The following CNOT8 variants were observed in gnomAD, a reference collection of about 807,000 sequenced individuals.
CNOT8 encodes the protein CCR4-NOT transcription complex subunit 8, also known as CAF1-like protein.
CNOT8 carries 18 observed loss-of-function variants against 34.6 expected under a neutral mutation model. The ratio of observed to expected loss-of-function variants is 0.52; its 90% CI spans 0.36 to 0.77. The LOEUF (loss-of-function observed/expected upper bound fraction) is 0.77, where lower values mean the gene tolerates loss of function less well. CNOT8 is among the 30% of genes least tolerant of loss of function. The pLI is 0.00. For synonymous variants in CNOT8, 101 were observed against 118.8 expected (o/e 0.85, Z 0.98); for missense variants, 189 against 347.9 (o/e 0.54, Z 3.63).
intron 1 of CNOT8, among the ~76,000 whole-genome samples, chr5:154,862,331 G>A (rs889963761): frequency 3.3e-5 from 5 of 152,096 alleles, no homozygotes; most frequent in African/African-American, 4.8e-5. Context: ...ATAGCTGGGC[G>A]TGGTGGCGTG....
rs1306339211 is a variant in CNOT8 at position 154,865,531 on chromosome 5, A to G, written c.311+146A>G. On this transcript the variant is annotated intron_variant, in intron 3 of 6. Coordinates refer to ENST00000285896, the MANE Select transcript of CNOT8 (RefSeq NM_001301073.2). Reference sequence around the variant, plus strand: ...CTTAAAGAACTGCAGCAGCTCAACAATGAAAAGATAAACAACCCAACTAAA... The same window carrying G: ...CTTAAAGAACTGCAGCAGCTCAACAGTGAAAAGATAAACAACCCAACTAAA... 13 of 538,494 alleles carry G rather than the reference A, an allele frequency of 2.4e-5. No individual in the cohort carries two copies. In the East Asian group the frequency reaches 4.1e-4, roughly 17 times the overall value. 33.4% of individuals were successfully genotyped at this position (538,494 alleles called of 1,614,324 possible). A position where few individuals can be genotyped will look rare whatever the true frequency, so the allele number is the denominator to read the frequency against.
chr5:154,870,052 C>G (rs1762327453), intron 3 of CNOT8, among the ~76,000 whole-genome samples: 1 of 152,118 alleles, frequency 6.6e-6, no homozygotes, highest in Non-Finnish European at 1.5e-5. Context: ...GCCACCATGC[C>G]CGGCCTACTT....
At chr5:154,871,559 CA>C (rs372899952) in intron 4 of CNOT8, among the ~76,000 whole-genome samples, 170 bp from the exon 5 acceptor site, 1,285 of 55,432 alleles carry the variant, frequency 0.023, 10 homozygotes, top group African/African-American at 0.075. Context: ...GACTCTGTCT[CA>C]AAAAAAAAAA....
Position 154,865,391 on chromosome 5 carries a change from T to C in CNOT8, c.311+6T>C, listed in dbSNP as rs1761768974. ...AATTTCAAATTTAACCTTACGTAAGTGATTTCTAAATAAATGCGTTAATTT... is the reference window on the plus strand; with the variant it reads ...AATTTCAAATTTAACCTTACGTAAGCGATTTCTAAATAAATGCGTTAATTT... On this transcript the variant is annotated splice_donor_region_variant and intron_variant, in intron 3 of 6. Coordinates refer to ENST00000285896, the MANE Select transcript of CNOT8 (RefSeq NM_001301073.2). 2.5e-6 allele frequency: 4 copies of C among 1,572,810 alleles called. No individual in the cohort carries two copies. The highest frequency in any genetic ancestry group is 3.4e-6 in the Non-Finnish European group (4 of 1,162,598).
chr5:154,873,961 C>G (rs537425650), intron 6 of CNOT8, among the ~76,000 whole-genome samples: 1 of 152,218 alleles, frequency 6.6e-6, no homozygotes, highest in East Asian at 1.9e-4. Context: ...TTATCCTACC[C>G]CAGTAGTGCC....
chr5:154,873,432 A>G (rs1051893314), intron 6 of CNOT8, among the ~76,000 whole-genome samples: 31 of 152,184 alleles, frequency 2.0e-4, no homozygotes, highest in African/African-American at 7.0e-4. Flanking sequence ...TAATAGAAAT[A>G]TATTTGTTAG....
intron 1 of CNOT8, among the ~76,000 whole-genome samples, chr5:154,861,238 A>G (rs908824615): frequency 2.6e-5 from 4 of 152,162 alleles, no homozygotes; most frequent in African/African-American, 9.7e-5. Flanking sequence ...TCTTTTCCTG[A>G]TCTTTATTGT....
Position 154,875,320 on chromosome 5 carries a change from A to T in CNOT8, c.760A>T (p.Lys254Ter). The change falls in exon 7 of 7, where the codon AAG (lysine) becomes TAG (stop). Residue 254 changes from lysine to a stop codon, truncating the protein, a stop_gained. Coordinates refer to ENST00000285896, the MANE Select transcript of CNOT8 (RefSeq NM_001301073.2). LOFTEE classifies it high-confidence loss of function. The part of the protein sequence containing the change: ...LFFEDSIDDA[K>*]YCGRLYGLGT... ...TTTTGAGGACAGCATTGATGATGCCAAGTACTGTGGGCGGCTCTATGGCTT... is the reference window on the plus strand; with the variant it reads ...TTTTGAGGACAGCATTGATGATGCCTAGTACTGTGGGCGGCTCTATGGCTT... The T allele has an allele frequency of 6.2e-7, 1 of 1,614,088 alleles. No individual in the cohort carries two copies.
intron 3 of CNOT8, among the ~76,000 whole-genome samples, chr5:154,866,915 G>T (rs1256403090): frequency 6.7e-6 from 1 of 149,448 alleles, no homozygotes; most frequent in African/African-American, 2.5e-5. Flanking sequence ...TCTGCCTCAA[G>T]AAAAAGAAAA....
At chr5:154,863,161 T>A (rs1761516730) in intron 1 of CNOT8, 46 bp from the exon 2 acceptor site, 5 of 713,258 alleles carry the variant, frequency 7.0e-6, no homozygotes, top group African/African-American at 1.8e-5. Context: ...GTTGACATCT[T>A]ATGTGTGTGT....
rs1309927403 is a variant in CNOT8 at position 154,876,690 on chromosome 5, G to T, written c.*1251G>T. 1.3e-5 allele frequency: 2 copies of T among 152,652 alleles called. No homozygotes were observed. The highest frequency in any genetic ancestry group is 2.9e-5 in the Non-Finnish European group (2 of 68,036). The allele number at this position is 152,652 out of a possible 1,614,324, so 9.5% of individuals were successfully genotyped here. ...GCTTATGGGAAACTCAATTTGAAAT[G>T]ATTAGAAAATGTCAAGTATTATAAG... On this transcript the variant is annotated 3_prime_UTR_variant, in exon 7 of 7. Transcript: ENST00000285896.
At chr5:154,865,465 A>G (rs1761775971) in intron 3 of CNOT8, 80 bp downstream of exon 3, 1 of 919,066 alleles carries the variant, frequency 1.1e-6, no homozygotes, top group African/African-American at 1.7e-5. Context: ...AGAGCGGTCA[A>G]GCAGAGGACG....
intron 6 of CNOT8, among the ~76,000 whole-genome samples, chr5:154,873,069 G>A (rs1334710318): frequency 1.3e-5 from 2 of 151,240 alleles, no homozygotes; most frequent in Admixed American, 6.6e-5. Context: ...CTGCCTGGCC[G>A]AATTTTTTGT....
At position 154,875,571 on chromosome 5, in the gene CNOT8, CTT is replaced by C. The variant is rs1762867999; in HGVS notation, c.*135_*136del. On this transcript the variant is annotated 3_prime_UTR_variant, in exon 7 of 7. Coordinates refer to ENST00000285896, the MANE Select transcript of CNOT8 (RefSeq NM_001301073.2). ...CTACCATCTGCATTGAGCAGAAAGA[CTT>C]TTGTTTTACTGAAGACAAAAGATGT... 2.0e-6 allele frequency: 2 copies of C among 987,570 alleles called. No individual in the cohort carries two copies. Among genetic ancestry groups the C allele is most frequent in the African/African-American group, 1.7e-5 (1 of 60,306 alleles). 61.2% of individuals were successfully genotyped at this position (987,570 alleles called of 1,614,324 possible).
At chr5:154,872,719 A>C in intron 6 of CNOT8, 68 bp downstream of exon 6, 1 of 778,156 alleles carries the variant, frequency 1.3e-6, no homozygotes, top group Non-Finnish European at 2.1e-6. Flanking sequence ...GAGGTAGTGG[A>C]TGGTCTGTTA....
chr5:154,863,585 A>G (rs576640554), intron 2 of CNOT8, among the ~76,000 whole-genome samples, 190 bp downstream of exon 2: 2 of 152,300 alleles, frequency 1.3e-5, no homozygotes, highest in Non-Finnish European at 2.9e-5. Context: ...TCATACCACT[A>G]TGCCCAGCTT....
intron 1 of CNOT8, among the ~76,000 whole-genome samples, chr5:154,861,553 C>T (rs1761339862): frequency 6.6e-6 from 1 of 152,218 alleles, no homozygotes; most frequent in Non-Finnish European, 1.5e-5. Flanking sequence ...ATTTTCCTTG[C>T]TCTGTCCCTT....
chr5:154,875,550 C>A lies in CNOT8; in HGVS notation c.*111C>A. 1 of 1,163,824 alleles carries A rather than the reference C, an allele frequency of 8.6e-7. No homozygotes were observed. Among genetic ancestry groups the A allele is most frequent in the Non-Finnish European group, 1.2e-6 (1 of 841,580 alleles). 72.1% of individuals were successfully genotyped at this position (1,163,824 alleles called of 1,614,324 possible). On this transcript the variant is annotated 3_prime_UTR_variant, in exon 7 of 7. Coordinates refer to ENST00000285896, the MANE Select transcript of CNOT8 (RefSeq NM_001301073.2). Reference sequence around the variant, plus strand: ...CTTCTTTTGAGCACACTGTACCTACCATCTGCATTGAGCAGAAAGACTTTT... The same window carrying A: ...CTTCTTTTGAGCACACTGTACCTACAATCTGCATTGAGCAGAAAGACTTTT...
intron 2 of CNOT8, among the ~76,000 whole-genome samples, chr5:154,864,477 C>G (rs1344519852): frequency 6.6e-6 from 1 of 151,718 alleles, no homozygotes; most frequent in Non-Finnish European, 1.5e-5. Flanking sequence ...AAAGAAATTA[C>G]AGAGTTAAGT....
Sources: allele counts gnomAD v4.1 joint callset (sites outside exome capture counted in the v4.1 genomes callset), GRCh38; gene constraint gnomAD v4.1.1; transcripts MANE v1.5; gene names NCBI Gene and HGNC (gene_info 2026-07-23, HGNC 2026-07-21).